The following NAV2 variants were observed in gnomAD, a reference collection of about 807,000 sequenced individuals.
The protein encoded by NAV2 is neuron navigator 2.
Under a neutral mutation model 223.2 loss-of-function variants are expected in NAV2, and 54 were observed. The ratio of observed to expected loss-of-function variants is 0.24; its 90% confidence interval spans 0.19 to 0.30. The LOEUF is 0.30. Among genes scored for constraint, NAV2 ranks in the 10% least tolerant of loss-of-function variants. The pLI is 1.00. For synonymous variants in NAV2, 1,279 were observed against 1,239.3 expected (o/e 1.03, Z -0.67); for missense variants, 2,806 against 3,147.5 (o/e 0.89, Z 2.60).
intron 1 of NAV2, among the ~76,000 whole-genome samples, chr11:19,682,598 T>G (rs1055677543): frequency 2.1e-4 from 32 of 152,226 alleles, no homozygotes; most frequent in African/African-American, 7.5e-4. Flanking sequence ...CTGAAGGCTA[T>G]ACAAGCATGG....
At chr11:19,397,405 G>GTA (rs1849496860) in intron 1 of NAV2, among the ~76,000 whole-genome samples, 1 of 141,722 alleles carries the variant, frequency 7.1e-6, no homozygotes, top group Non-Finnish European at 1.5e-5. Flanking sequence ...GAGTGTGTGT[G>GTA]TGTGTGTGTG....
intron 1 of NAV2, among the ~76,000 whole-genome samples, chr11:19,682,378 G>A (rs1469901100): frequency 2.6e-5 from 4 of 152,150 alleles, no homozygotes; most frequent in South Asian, 2.1e-4. Context: ...AGAGAAGTTC[G>A]TAAACTGCCC....
intron 1 of NAV2, among the ~76,000 whole-genome samples, chr11:19,604,367 T>C (rs889411021): frequency 6.6e-6 from 1 of 151,902 alleles, no homozygotes; most frequent in East Asian, 1.9e-4. Context: ...TTAGAGTTGA[T>C]AGGATTTATT....
In NAV2 at chr11:19,933,511, C is replaced by T. The variant is rs775021883; in HGVS notation, c.1267C>T (p.Arg423Trp). The stretch of plus-strand genomic sequence containing the variant: ...AAAGGCAGGTGAGGGGCCGGGGTCC[C>T]GGGACACAAGCTGTGAGCGGCTGGA... Reference protein sequence around the residue: ...GSKAGEGPGSRDTSCERLETL... With the variant: ...GSKAGEGPGSWDTSCERLETL... Residue 423 changes from arginine (R) to tryptophan (W), a missense_variant, in exon 7 of 38, where the codon CGG (arginine) becomes TGG (tryptophan). Arg to Trp is a moderately radical substitution (Grantham distance 101, BLOSUM62 -3). Around this residue, in one of 4 missense-constraint regions of NAV2, gnomAD observed 1,167 missense variants for 1,180.5 expected, o/e 0.99. Coordinates refer to ENST00000349880, the MANE Select transcript of NAV2 (RefSeq NM_145117.5). This position sits in a 1 kb window ranked among gnomAD's most constrained non-coding sequence, Gnocchi z 4.3. The T allele has an allele frequency of 1.3e-4, 208 of 1,610,442 alleles. No individual in the cohort carries two copies. In the Admixed American group the frequency reaches 2.7e-3, roughly 21 times the overall value.
At chr11:19,897,904 A>ATATATATATATATATATATATATATATG (rs1268441003) in intron 6 of NAV2, among the ~76,000 whole-genome samples, 1 of 147,678 alleles carries the variant, frequency 6.8e-6, no homozygotes, top group African/African-American at 2.6e-5. Flanking sequence ...ATATATATAT[A>ATATATATATATATATATATATATATATG]TGTGAGCAGA....
chr11:19,386,663 G>A (rs1012370689), intron 1 of NAV2, among the ~76,000 whole-genome samples: 1 of 150,892 alleles, frequency 6.6e-6, no homozygotes, highest in Non-Finnish European at 1.5e-5. Flanking sequence ...CAGGAAATGT[G>A]TCAATAACTT....
chr11:19,727,171 C>A (rs2051325574), intron 1 of NAV2, among the ~76,000 whole-genome samples: 1 of 152,218 alleles, frequency 6.6e-6, no homozygotes, highest in Non-Finnish European at 1.5e-5. Flanking sequence ...AAGGGAAACC[C>A]AGTCTTCAAC....
chr11:19,413,489 G>A (rs1284296810), intron 1 of NAV2, among the ~76,000 whole-genome samples: 2 of 152,068 alleles, frequency 1.3e-5, no homozygotes, highest in African/African-American at 4.8e-5. Flanking sequence ...AAACCAAGTT[G>A]GTAAACACTC....
chr11:20,041,273 C>T (rs568303377), intron 12 of NAV2, among the ~76,000 whole-genome samples: 1 of 152,296 alleles, frequency 6.6e-6, no homozygotes, highest in South Asian at 2.1e-4. Flanking sequence ...CCCTGAATTC[C>T]CTGCATCTCT....
At chr11:19,845,763 G>A (rs975226485) in intron 3 of NAV2, among the ~76,000 whole-genome samples, 1 of 152,176 alleles carries the variant, frequency 6.6e-6, no homozygotes, top group African/African-American at 2.4e-5. Flanking sequence ...AGAGGATAGG[G>A]AAGTAAAAGC....
upstream of NAV2, among the ~76,000 whole-genome samples, chr11:19,708,209 C>T (rs2049730190): frequency 6.6e-6 from 1 of 152,148 alleles, no homozygotes. Context: ...GTTCTTACCT[C>T]ACTTCTCTGC....
intron 36 of NAV2, chr11:20,114,334 G>A: frequency 1.8e-6 from 1 of 548,732 alleles, no homozygotes; most frequent in Non-Finnish European, 3.3e-6. Context: ...GTGAGTCAGT[G>A]GCAGAGCTGA....
At chr11:19,929,975 T>C (rs1004414993) in intron 6 of NAV2, among the ~76,000 whole-genome samples, 2 of 152,214 alleles carry the variant, frequency 1.3e-5, no homozygotes, top group Non-Finnish European at 2.9e-5. Context: ...CCAGTTCTCA[T>C]AGCACCTCAT....
At chr11:19,825,763 G>T (rs1265458653) in intron 1 of NAV2, among the ~76,000 whole-genome samples, 1 of 152,156 alleles carries the variant, frequency 6.6e-6, no homozygotes, top group South Asian at 2.1e-4. Flanking sequence ...CTAATGATTA[G>T]GTTCTTTACT....
At chr11:19,443,528 T>A (rs1329766105) in intron 1 of NAV2, among the ~76,000 whole-genome samples, 1 of 152,240 alleles carries the variant, frequency 6.6e-6, no homozygotes, top group African/African-American at 2.4e-5. Flanking sequence ...CTGCTGCATC[T>A]GCCAGCAGCT....
intron 6 of NAV2, among the ~76,000 whole-genome samples, chr11:19,910,676 T>C (rs889755889): frequency 6.6e-6 from 1 of 151,992 alleles, no homozygotes; most frequent in Non-Finnish European, 1.5e-5. Context: ...CTGGGCTACG[T>C]GGTGAAACTC....
At chr11:19,586,790 T>G (rs2045911984) in intron 1 of NAV2, among the ~76,000 whole-genome samples, 1 of 152,208 alleles carries the variant, frequency 6.6e-6, no homozygotes, top group South Asian at 2.1e-4. Flanking sequence ...CTGCCCCTAC[T>G]GGGGGGTGCC....
intron 1 of NAV2, among the ~76,000 whole-genome samples, chr11:19,621,482 G>A (rs11025200): frequency 0.73 from 110,869 of 152,144 alleles, 48,287 homozygotes; most frequent in Non-Finnish European, 0.96. Context: ...GCTTAGTCTT[G>A]GGAGAGTGTA....
intron 1 of NAV2, among the ~76,000 whole-genome samples, chr11:19,455,241 AT>A (rs35141426): frequency 0.15 from 23,361 of 152,196 alleles, 2,160 homozygotes; most frequent in Non-Finnish European, 0.2. Flanking sequence ...CTTGGGTGAT[AT>A]AATGTAATAT....
Sources: gnomAD v4.1 joint callset for allele counts (sites outside exome capture counted in the v4.1 genomes callset) on GRCh38, gnomAD v4.1.1 for gene constraint, gnomAD v4.1.1 regional missense constraint, Gnocchi (gnomAD v3.1) non-coding constraint, MANE v1.5 for transcripts, NCBI Gene and HGNC (gene_info 2026-07-23, HGNC 2026-07-21) for gene names.